The following EIF4EBP2 variants were observed in gnomAD, a reference collection of about 807,000 sequenced individuals.
EIF4EBP2 encodes the protein eukaryotic translation initiation factor 4E binding protein 2.
In EIF4EBP2, 5 loss-of-function variants were observed where a neutral mutation model predicts 10.3. The ratio of observed to expected loss-of-function variants is 0.48; its 90% CI spans 0.25 to 1.02. The LOEUF (loss-of-function observed/expected upper bound fraction) is 1.02, where lower values mean the gene tolerates loss of function less well. Among genes scored for constraint, EIF4EBP2 ranks in the 50% least tolerant of loss-of-function variants. The pLI, the probability that EIF4EBP2 is intolerant of heterozygous loss-of-function variation, is 0.15. For missense variants in EIF4EBP2, 188 were observed against 162.2 expected (o/e 1.16, Z -0.86); for synonymous variants, 67 against 61.1 (o/e 1.10, Z -0.45).
chr10:70,408,459 A>G lies in EIF4EBP2; in HGVS notation c.145+3913A>G, dbSNP rs542249352. 2.6e-5 allele frequency among the ~76,000 whole-genome samples: 4 copies of G among 152,342 alleles called. No homozygotes were observed. In the East Asian group the frequency reaches 7.7e-4, roughly 29 times the overall value. The stretch of plus-strand genomic sequence containing the variant: ...ATGAGGGCTTATTTAATATCTTTAT[A>G]AGGACATGGTGCCGTTGCAGTTGGA... On this transcript the variant is annotated intron_variant, in intron 1 of 2. Transcript: ENST00000373218.
In EIF4EBP2 at chr10:70,427,251, TTGTTTC is replaced by T. The variant is rs1845213682; in HGVS notation, c.*5506_*5511del. 1 of 152,198 alleles carries T rather than the reference TTGTTTC, an allele frequency of 6.6e-6. No individual in the cohort carries two copies. The highest frequency in any genetic ancestry group is 2.1e-4 in the South Asian group (1 of 4,826). 9.4% of individuals were successfully genotyped at this position (152,198 alleles called of 1,614,324 possible). A position where few individuals can be genotyped will look rare whatever the true frequency, so the allele number is the denominator to read the frequency against. On this transcript the variant is annotated 3_prime_UTR_variant, in exon 3 of 3. Transcript: ENST00000373218. ...GTGTGGTATTTGTTTTAAAGAAACA[TTGTTTC>T]TTTGGGAGGGCAGTTTCTGTCTGGA...
At chr10:70,412,395 G>A (rs1330540465) in intron 1 of EIF4EBP2, among the ~76,000 whole-genome samples, 1 of 151,588 alleles carries the variant, frequency 6.6e-6, no homozygotes, top group African/African-American at 2.4e-5. Context: ...TGGCGGCCGG[G>A]GGGTGGGGGT....
intron 1 of EIF4EBP2, among the ~76,000 whole-genome samples, chr10:70,419,388 G>A (rs1234419144): frequency 6.6e-6 from 1 of 151,930 alleles, no homozygotes; most frequent in Non-Finnish European, 1.5e-5. Flanking sequence ...GACTATAGCT[G>A]TGAGAAGAAT....
chr10:70,422,048 T>G lies in EIF4EBP2; in HGVS notation c.*301T>G. 2 of 384,828 alleles carry G rather than the reference T, an allele frequency of 5.2e-6. No individual in the cohort carries two copies. The highest frequency in any genetic ancestry group is 8.1e-5 in the East Asian group (2 of 24,592). The allele number at this position is 384,828 out of a possible 1,614,324, so 23.8% of individuals were successfully genotyped here. On this transcript the variant is annotated 3_prime_UTR_variant, in exon 3 of 3. Transcript: ENST00000373218. ...ACAGTTCAACTCTGACTTTCCTAGT[T>G]GTTTTTTTATTGAGAGCCACCCTCA...
chr10:70,427,435 T>C lies in EIF4EBP2; in HGVS notation c.*5688T>C, dbSNP rs1458790516. On this transcript the variant is annotated 3_prime_UTR_variant, in exon 3 of 3. Transcript: ENST00000373218. ...TCCTAGTCATGGTTTTCCAGTTTAG[T>C]AGTGGAGTTTCTTGAGGCTAACTTA... 1 of 152,216 alleles carries C rather than the reference T, an allele frequency of 6.6e-6. No homozygotes were observed. Among genetic ancestry groups the C allele is most frequent in the East Asian group, 1.9e-4 (1 of 5,198 alleles). 9.4% of individuals were successfully genotyped at this position (152,216 alleles called of 1,614,324 possible).
rs1326528683 is a variant in EIF4EBP2 at position 70,426,055 on chromosome 10, CT to C, written c.*4309del. ...TCTAAATCCAGTGCATAGGTTAACC[CT>C]GCATGCCCATTTCTTCCTGGGCTTC... On this transcript the variant is annotated 3_prime_UTR_variant, in exon 3 of 3. Coordinates refer to ENST00000373218, the MANE Select transcript of EIF4EBP2 (RefSeq NM_004096.5). 6.6e-6 allele frequency: 1 copy of C among 152,200 alleles called. No individual in the cohort carries two copies. The highest frequency in any genetic ancestry group is 2.4e-5 in the African/African-American group (1 of 41,456). 9.4% of individuals were successfully genotyped at this position (152,200 alleles called of 1,614,324 possible). A position where few individuals can be genotyped will look rare whatever the true frequency, so the allele number is the denominator to read the frequency against.
At chr10:70,407,020 C>T (rs1844971760) in intron 1 of EIF4EBP2, among the ~76,000 whole-genome samples, 2 of 152,174 alleles carry the variant, frequency 1.3e-5, no homozygotes, top group Admixed American at 6.6e-5. Flanking sequence ...GCCTCAGCCT[C>T]CCGAGTAGCT....
At position 70,425,936 on chromosome 10, in the gene EIF4EBP2, C is replaced by A. The variant is rs1845201939; in HGVS notation, c.*4189C>A. 1 of 152,214 alleles carries A rather than the reference C, an allele frequency of 6.6e-6. No individual in the cohort carries two copies. Among genetic ancestry groups the A allele is most frequent in the Non-Finnish European group, 1.5e-5 (1 of 68,036 alleles). The allele number at this position is 152,214 out of a possible 1,614,324, so 9.4% of individuals were successfully genotyped here. Reference sequence around the variant, plus strand: ...GCTTGGTACCTGGTCTCTCCAGTCTCAACAGACTCAGGTCAGGTCTCTCAC... The same window carrying A: ...GCTTGGTACCTGGTCTCTCCAGTCTAAACAGACTCAGGTCAGGTCTCTCAC... On this transcript the variant is annotated 3_prime_UTR_variant, in exon 3 of 3. Coordinates refer to ENST00000373218, the MANE Select transcript of EIF4EBP2 (RefSeq NM_004096.5).
chr10:70,421,585 A>C, intron 2 of EIF4EBP2, 131 bp from the exon 3 acceptor site: 1 of 780,612 alleles, frequency 1.3e-6, no homozygotes, highest in East Asian at 2.7e-5. Flanking sequence ...AAGCAGAGTA[A>C]TTGTTTTAAG....
rs772761413 is a variant in EIF4EBP2, at chr10:70,419,980, C to T, written c.212C>T (p.Pro71Leu). The change falls in exon 2 of 3, where the codon CCA becomes CTA. Residue 71 changes from proline (P) to leucine (L), a missense_variant. Pro to Leu is a moderately conservative substitution (Grantham distance 98). Coordinates refer to ENST00000373218, the MANE Select transcript of EIF4EBP2 (RefSeq NM_004096.5). ...DRRNSPMAQTPPCHLPNIPGV... is the reference protein window; with the variant it reads ...DRRNSPMAQTLPCHLPNIPGV... Reference sequence around the variant, plus strand: ...CGCAATTCTCCCATGGCTCAGACCCCACCCTGCCACCTGCCCAATATCCCA... The same window carrying T: ...CGCAATTCTCCCATGGCTCAGACCCTACCCTGCCACCTGCCCAATATCCCA... The T allele has an allele frequency of 3.7e-6, 6 of 1,612,866 alleles. No individual in the cohort carries two copies. The highest frequency in any genetic ancestry group is 3.3e-5 in the Admixed American group (2 of 59,786).
At chr10:70,405,958 C>T (rs945685573) in intron 1 of EIF4EBP2, among the ~76,000 whole-genome samples, 3 of 152,072 alleles carry the variant, frequency 2.0e-5, no homozygotes, top group Non-Finnish European at 4.4e-5. Context: ...AAGAAATCTC[C>T]CCCCGATATG....
Position 70,427,776 on chromosome 10 carries a change from C to G in EIF4EBP2, c.*6029C>G, listed in dbSNP as rs796320746. On this transcript the variant is annotated 3_prime_UTR_variant, in exon 3 of 3. Coordinates refer to ENST00000373218, the MANE Select transcript of EIF4EBP2 (RefSeq NM_004096.5). ...TTTAAACTCTCACTCTGCCACCTTT[C>G]TAAGGGTGGGAGGCTGGCAGAGATG... is the stretch of plus-strand genomic sequence containing the variant. 8.5e-5 allele frequency: 13 copies of G among 152,182 alleles called. No individual in the cohort carries two copies. Among genetic ancestry groups the G allele is most frequent in the African/African-American group, 2.9e-4 (12 of 41,514 alleles). 9.4% of individuals were successfully genotyped at this position (152,182 alleles called of 1,614,324 possible).
At position 70,425,881 on chromosome 10, in the gene EIF4EBP2, T is replaced by C. The variant is rs1845201339; in HGVS notation, c.*4134T>C. 1 of 152,224 alleles carries C rather than the reference T, an allele frequency of 6.6e-6. No homozygotes were observed. The highest frequency in any genetic ancestry group is 1.9e-4 in the East Asian group (1 of 5,198). 9.4% of individuals were successfully genotyped at this position (152,224 alleles called of 1,614,324 possible). A position where few individuals can be genotyped will look rare whatever the true frequency, so the allele number is the denominator to read the frequency against. On this transcript the variant is annotated 3_prime_UTR_variant, in exon 3 of 3. Transcript: ENST00000373218. ...CATTTAGGTGAAATAGATGATGTTATCAGGAAGCCAGGTTCCCACCAGAGT... is the reference window on the plus strand; with the variant it reads ...CATTTAGGTGAAATAGATGATGTTACCAGGAAGCCAGGTTCCCACCAGAGT...
Position 70,422,201 on chromosome 10 carries a change from C to G in EIF4EBP2, c.*454C>G, listed in dbSNP as rs1164450788. 6.4e-6 allele frequency: 1 copy of G among 157,322 alleles called. No homozygotes were observed. Among genetic ancestry groups the G allele is most frequent in the African/African-American group, 2.4e-5 (1 of 41,662 alleles). The allele number at this position is 157,322 out of a possible 1,614,324, so 9.7% of individuals were successfully genotyped here. ...ATATTCCTTACCCTCTGTCTCTCCT[C>G]CCTGTATCCCACCTATGGTTCAGTG... On this transcript the variant is annotated 3_prime_UTR_variant, in exon 3 of 3. Coordinates refer to ENST00000373218, the MANE Select transcript of EIF4EBP2 (RefSeq NM_004096.5).
In EIF4EBP2 at chr10:70,419,936, A is replaced by G. The variant is rs1374015740; in HGVS notation, c.168A>G (p.Arg56=). ...TPGGTRIIYD[R]KFLLDRRNSP... ...CAGGAACTCGAATCATTTATGACAGAAAGTTTCTGTTGGATCGTCGCAATT... is the reference window on the plus strand; with the variant it reads ...CAGGAACTCGAATCATTTATGACAGGAAGTTTCTGTTGGATCGTCGCAATT... Residue 56 remains arginine (R), a synonymous_variant, in exon 2 of 3, where the codon AGA becomes AGG. Transcript: ENST00000373218. The G allele has an allele frequency of 1.3e-6, 2 of 1,587,458 alleles. No homozygotes were observed. Among genetic ancestry groups the G allele is most frequent in the South Asian group, 1.2e-5 (1 of 86,156 alleles).
At chr10:70,420,190 G>GTTTTGTT (rs994007866) in intron 2 of EIF4EBP2, 91 bp downstream of exon 2, 1 of 1,365,308 alleles carries the variant, frequency 7.3e-7, no homozygotes, top group Admixed American at 2.6e-5. Context: ...TGATTCTTCA[G>GTTTTGTT]TTTTGTTTTT....
chr10:70,404,185 G>C lies in EIF4EBP2; in HGVS notation c.-217G>C, dbSNP rs944549236. ...CGTCGCCGCTGCTGCCGCTGCTGTT[G>C]CTCCTGAGGCTGCTGGCTGAGGCCG... On this transcript the variant is annotated 5_prime_UTR_variant, in exon 1 of 3. Transcript: ENST00000373218. 3.3e-5 allele frequency among the ~76,000 whole-genome samples: 5 copies of C among 152,222 alleles called. No homozygotes were observed. The highest frequency in any genetic ancestry group is 5.9e-5 in the Non-Finnish European group (4 of 68,026).
chr10:70,415,210 GA>G (rs1478373740), intron 1 of EIF4EBP2, among the ~76,000 whole-genome samples: 8 of 150,650 alleles, frequency 5.3e-5, no homozygotes, highest in Admixed American at 1.3e-4. Flanking sequence ...ACAATAGCAT[GA>G]AAACAATTTG....
At chr10:70,421,333 A>G (rs1488598330) in intron 2 of EIF4EBP2, among the ~76,000 whole-genome samples, 1 of 152,164 alleles carries the variant, frequency 6.6e-6, no homozygotes, top group South Asian at 2.1e-4. Flanking sequence ...CCGCTTTGTC[A>G]TATTTCAGAT....
Sources: allele counts gnomAD v4.1 joint callset (sites outside exome capture counted in the v4.1 genomes callset), GRCh38; gene constraint gnomAD v4.1.1; transcripts MANE v1.5; gene names NCBI Gene and HGNC (gene_info 2026-07-23, HGNC 2026-07-21).